NXPE2: variants seen among roughly 807,000 people sequenced by gnomAD.
NXPE2 encodes NXPE family member 2.
In NXPE2, 34 loss-of-function variants were observed where a neutral mutation model predicts 34.4. The observed-to-expected ratio is 0.99, with a 90% CI of 0.75 to 1.31. The LOEUF (loss-of-function observed/expected upper bound fraction) is 1.31, where lower values mean the gene tolerates loss of function less well. Ranked by LOEUF, NXPE2 falls within the 40% of genes most tolerant of loss-of-function variation. The probability of loss-of-function intolerance (pLI) is 0.00; values close to 1 mark genes in which losing one functional copy is unlikely to be tolerated. For synonymous variants in NXPE2, 235 were observed against 231.3 expected, an observed-to-expected ratio of 1.02 and a Z score of -0.15; for missense variants, 649 against 672.5, an observed-to-expected ratio of 0.97 and a Z score of 0.39.
chr11:114,524,953 C>T, the NXPE2 span, among the ~76,000 whole-genome samples: 7 of 152,048 alleles, frequency 4.6e-5, no homozygotes, highest in South Asian at 2.1e-4. Context: ...TGATTAACCC[C>T]GGTTTATCTA....
At chr11:114,795,946 T>A in the NXPE2 span, among the ~76,000 whole-genome samples, 6 of 152,306 alleles carry the variant, frequency 3.9e-5, no homozygotes, top group South Asian at 1.2e-3. Flanking sequence ...ACCAGGTAGA[T>A]CCACCCTATC....
At chr11:114,669,520 T>C in the NXPE2 span, among the ~76,000 whole-genome samples, 1 of 152,096 alleles carries the variant, frequency 6.6e-6, no homozygotes, top group Admixed American at 6.6e-5. Context: ...TCCTGGACTC[T>C]CTTTCTCTAC....
At chr11:114,708,552 G>A (rs993504051), downstream of NXPE2, among the ~76,000 whole-genome samples, 32 of 151,436 alleles carry the variant, frequency 2.1e-4, no homozygotes, top group Admixed American at 1.6e-3. Flanking sequence ...AGTTTGGGTC[G>A]TCAGGAGGTG....
chr11:114,601,451 A>G, the NXPE2 span, among the ~76,000 whole-genome samples: 1 of 125,122 alleles, frequency 8.0e-6, no homozygotes, highest in East Asian at 2.1e-4. Flanking sequence ...GTATATATTT[A>G]TATTATATAT....
At chr11:114,578,104 G>A in the NXPE2 span, among the ~76,000 whole-genome samples, 2 of 152,112 alleles carry the variant, frequency 1.3e-5, no homozygotes, top group Non-Finnish European at 2.9e-5. Context: ...AACTTTTGAG[G>A]AAAATGTTCA....
At chr11:114,492,640 G>A in the NXPE2 span, among the ~76,000 whole-genome samples, 5 of 151,688 alleles carry the variant, frequency 3.3e-5, no homozygotes, top group African/African-American at 7.3e-5. Flanking sequence ...CTGGGTTCAC[G>A]CCATTCTCCT....
the NXPE2 span, among the ~76,000 whole-genome samples, chr11:114,560,825 G>A: frequency 8.6e-5 from 13 of 152,004 alleles, no homozygotes; most frequent in Non-Finnish European, 1.5e-4. Context: ...TTTTCTTACT[G>A]TCTCCATGGT....
rs56402937 is a variant in NXPE2, at chr11:114,698,218, T to C, written c.306T>C (p.His102=). ...AGATCCCACCCAGACCTTTCACCCA[T>C]GTGAATACCACCACCAGTGCCACAC... The part of the protein sequence containing the change: ...DQQIPPRPFT[H]VNTTTSATHS... Residue 102 remains histidine, a synonymous_variant, in exon 3 of 6, where the codon CAT becomes CAC. Transcript: ENST00000389586. 4,190 of 1,614,016 alleles carry C rather than the reference T, an allele frequency of 2.6e-3. 84 individuals carry two copies. The African/African-American group carries it at 0.048, about 19-fold the overall frequency.
At chr11:114,719,105 C>T in the NXPE2 span, among the ~76,000 whole-genome samples, 6 of 152,114 alleles carry the variant, frequency 3.9e-5, no homozygotes, top group Admixed American at 3.3e-4. Context: ...TTATTAGTTT[C>T]AGTTCTTCTG....
At chr11:114,588,812 CCTT>C in the NXPE2 span, among the ~76,000 whole-genome samples, 1 of 152,164 alleles carries the variant, frequency 6.6e-6, no homozygotes, top group African/African-American at 2.4e-5. Flanking sequence ...ATAAAACACA[CCTT>C]CTTGTCCCCT....
the NXPE2 span, among the ~76,000 whole-genome samples, chr11:114,474,695 G>T: frequency 6.6e-6 from 1 of 152,060 alleles, no homozygotes; most frequent in African/African-American, 2.4e-5. Context: ...AAGAAGCTTT[G>T]CAATAAAGGT....
At chr11:114,734,883 C>T in the NXPE2 span, among the ~76,000 whole-genome samples, 8 of 152,168 alleles carry the variant, frequency 5.3e-5, no homozygotes, top group South Asian at 2.1e-4. Context: ...CCGAGGCGGG[C>T]GGATCACAAG....
At chr11:114,640,893 A>C in the NXPE2 span, among the ~76,000 whole-genome samples, 1 of 151,968 alleles carries the variant, frequency 6.6e-6, no homozygotes, top group Non-Finnish European at 1.5e-5. Flanking sequence ...ATTTTCTCTC[A>C]TTTTGTAGGT....
chr11:114,747,194 T>A, the NXPE2 span, among the ~76,000 whole-genome samples: 1 of 152,194 alleles, frequency 6.6e-6, no homozygotes, highest in Non-Finnish European at 1.5e-5. Flanking sequence ...GTGGCTCAAT[T>A]TTAAAAAGGG....
chr11:114,671,551 T>C, the NXPE2 span, among the ~76,000 whole-genome samples: 1 of 152,034 alleles, frequency 6.6e-6, no homozygotes, highest in East Asian at 1.9e-4. Flanking sequence ...GGAAAATAAT[T>C]TATAACATAC....
At chr11:114,516,795 T>C in the NXPE2 span, among the ~76,000 whole-genome samples, 7 of 152,250 alleles carry the variant, frequency 4.6e-5, no homozygotes, top group East Asian at 1.4e-3. Context: ...TTCCTCTGGG[T>C]TACTTTCTCT....
intron 2 of NXPE2, among the ~76,000 whole-genome samples, chr11:114,683,425 G>GTT (rs35515592): frequency 0.11 from 16,260 of 144,402 alleles, 1,024 homozygotes; most frequent in Middle Eastern, 0.2. Context: ...TAGAGTCAAA[G>GTT]TTTTTTTTTT....
the NXPE2 span, among the ~76,000 whole-genome samples, chr11:114,808,460 GAAGAA>G: frequency 1.9e-4 from 19 of 98,152 alleles, no homozygotes; most frequent in Admixed American, 3.9e-4. Flanking sequence ...GACTAATAAA[GAAGAA>G]AAGAGAGAAG....
At chr11:114,753,400 A>T in the NXPE2 span, among the ~76,000 whole-genome samples, 1 of 152,226 alleles carries the variant, frequency 6.6e-6, no homozygotes, top group Non-Finnish European at 1.5e-5. Flanking sequence ...CTTAGAAAAA[A>T]AAATGAAGTG....
Sources: gnomAD v4.1 joint callset for allele counts (sites outside exome capture counted in the v4.1 genomes callset) on GRCh38, gnomAD v4.1.1 for gene constraint, MANE v1.5 for transcripts, NCBI Gene and HGNC (gene_info 2026-07-23, HGNC 2026-07-21) for gene names.